DLGAP1: variants seen among roughly 807,000 people sequenced by gnomAD.
The protein encoded by DLGAP1 is DLG associated protein 1, also known as disks large-associated protein 1.
DLGAP1 carries 11 observed loss-of-function variants against 90.8 expected under a neutral mutation model. The ratio of observed to expected loss-of-function variants is 0.12; its 90% CI spans 0.08 to 0.20. DLGAP1 has a LOEUF of 0.20. Among genes scored for constraint, DLGAP1 ranks in the 10% least tolerant of loss-of-function variants. The pLI is 1.00. For missense variants in DLGAP1, 1,050 were observed against 1,333.8 expected, an observed-to-expected ratio of 0.79 and a Z score of 3.31; for synonymous variants, 558 against 540.7, an observed-to-expected ratio of 1.03 and a Z score of -0.44.
At chr18:3,905,213 A>C (rs61072741) in intron 3 of DLGAP1, among the ~76,000 whole-genome samples, 1,580 of 151,186 alleles carry the variant, frequency 0.01, 29 homozygotes, top group African/African-American at 0.036. Flanking sequence ...TAAAAATACA[A>C]AAAATTAGCT....
chr18:3,988,104 G>A (rs2073879513), intron 3 of DLGAP1, among the ~76,000 whole-genome samples: 1 of 151,896 alleles, frequency 6.6e-6, no homozygotes, highest in Non-Finnish European at 1.5e-5. Context: ...GCAACTAGAT[G>A]GTCCCATCTG....
intron 3 of DLGAP1, chr18:3,894,721 A>G (rs2148866154): frequency 6.6e-6 from 1 of 152,244 alleles, no homozygotes; most frequent in Middle Eastern, 3.4e-3. Context: ...TGCTTCATGA[A>G]TTTGCATGTC....
At chr18:3,849,129 T>C (rs1195085358) in intron 4 of DLGAP1, among the ~76,000 whole-genome samples, 1 of 152,220 alleles carries the variant, frequency 6.6e-6, no homozygotes, top group African/African-American at 2.4e-5. Context: ...TGATTAAGTC[T>C]AGATTTTCTT....
intron 9 of DLGAP1, among the ~76,000 whole-genome samples, chr18:3,562,702 G>A (rs2054208892): frequency 1.4e-5 from 2 of 137,968 alleles, no homozygotes; most frequent in South Asian, 2.3e-4. Flanking sequence ...GCGCCACCAC[G>A]CCTGGTTAAT....
At chr18:3,955,358 C>T (rs879080363) in intron 3 of DLGAP1, among the ~76,000 whole-genome samples, 2 of 152,114 alleles carry the variant, frequency 1.3e-5, no homozygotes, top group Admixed American at 1.3e-4. Flanking sequence ...TATAGGAATA[C>T]AAAAATATCC....
chr18:4,038,864 A>G (rs1436006539), intron 2 of DLGAP1, among the ~76,000 whole-genome samples: 1 of 152,140 alleles, frequency 6.6e-6, no homozygotes, highest in Non-Finnish European at 1.5e-5. Flanking sequence ...GCAAATTACC[A>G]CAAACTTGGT....
chr18:4,419,352 A>T (rs927115359), intron 1 of DLGAP1, among the ~76,000 whole-genome samples: 1 of 152,148 alleles, frequency 6.6e-6, no homozygotes, highest in African/African-American at 2.4e-5. Flanking sequence ...CACAGTGCCA[A>T]ACCATATCAT....
At chr18:4,073,534 A>C (rs533297614) in intron 2 of DLGAP1, among the ~76,000 whole-genome samples, 1 of 152,300 alleles carries the variant, frequency 6.6e-6, no homozygotes, top group African/African-American at 2.4e-5. Context: ...ATGAAGGGGG[A>C]AAAAAGAGGT....
chr18:4,269,333 CATATAT>C (rs66677805), intron 1 of DLGAP1, among the ~76,000 whole-genome samples: 13 of 139,750 alleles, frequency 9.3e-5, no homozygotes, highest in African/African-American at 1.9e-4. Context: ...TTTATATATA[CATATAT>C]ATATATATAT....
At chr18:3,732,690 G>T (rs1169409917) in intron 6 of DLGAP1, among the ~76,000 whole-genome samples, 1 of 152,096 alleles carries the variant, frequency 6.6e-6, no homozygotes, top group Admixed American at 6.5e-5. Flanking sequence ...TGGTTTGGGG[G>T]TCTTTTTGAC....
chr18:3,969,999 G>A (rs1168892761), intron 3 of DLGAP1, among the ~76,000 whole-genome samples: 2 of 152,172 alleles, frequency 1.3e-5, no homozygotes, highest in Admixed American at 6.5e-5. Context: ...GTTGTGTTAC[G>A]ATGTGGGTGT....
At chr18:3,715,425 G>C (rs1027729557) in intron 7 of DLGAP1, among the ~76,000 whole-genome samples, 4 of 152,218 alleles carry the variant, frequency 2.6e-5, no homozygotes, top group Non-Finnish European at 5.9e-5. Flanking sequence ...AGGTGTACAG[G>C]TGTACGAGAA....
At chr18:3,807,778 G>A (rs1568168313) in intron 5 of DLGAP1, among the ~76,000 whole-genome samples, 3 of 152,140 alleles carry the variant, frequency 2.0e-5, no homozygotes, top group Middle Eastern at 3.2e-3. Flanking sequence ...TTTTAAAAAT[G>A]TCTCATTCCT....
At chr18:4,021,178 C>A (rs562598875) in intron 2 of DLGAP1, among the ~76,000 whole-genome samples, 4 of 152,130 alleles carry the variant, frequency 2.6e-5, no homozygotes, top group African/African-American at 9.7e-5. Context: ...GGCGGCTCTG[C>A]GTGAATTACT....
chr18:3,705,869 G>T (rs1006389304), intron 7 of DLGAP1, among the ~76,000 whole-genome samples: 14 of 151,976 alleles, frequency 9.2e-5, no homozygotes, highest in African/African-American at 3.4e-4. Context: ...ATGTTGGCCA[G>T]GCTGGTCTCG....
chr18:4,087,813 CTTT>C (rs1485291621), intron 2 of DLGAP1, among the ~76,000 whole-genome samples: 1 of 151,980 alleles, frequency 6.6e-6, no homozygotes, highest in Admixed American at 6.6e-5. Flanking sequence ...TAACCTAGTT[CTTT>C]ATTTTAAAAT....
chr18:4,272,429 T>C (rs1355789089), intron 1 of DLGAP1, among the ~76,000 whole-genome samples: 3 of 152,220 alleles, frequency 2.0e-5, no homozygotes, highest in Non-Finnish European at 4.4e-5. Flanking sequence ...CACTAAATAG[T>C]ATCCCTGAGC....
chr18:4,233,533 T>C (rs2078342095), intron 1 of DLGAP1, among the ~76,000 whole-genome samples: 1 of 152,184 alleles, frequency 6.6e-6, no homozygotes, highest in South Asian at 2.1e-4. Flanking sequence ...ATCACTGTTA[T>C]TGTTAACCTC....
chr18:4,296,887 A>G (rs1237219467), intron 1 of DLGAP1, among the ~76,000 whole-genome samples: 1 of 152,198 alleles, frequency 6.6e-6, no homozygotes, highest in Non-Finnish European at 1.5e-5. Context: ...CTTTCTGAGC[A>G]GGCAATGGAT....
Sources: gnomAD v4.1 joint callset for allele counts (sites outside exome capture counted in the v4.1 genomes callset) on GRCh38, gnomAD v4.1.1 for gene constraint, MANE v1.5 for transcripts, NCBI Gene and HGNC (gene_info 2026-07-23, HGNC 2026-07-21) for gene names.